CSMD2: variants seen among roughly 807,000 people sequenced by gnomAD.
CSMD2 encodes CUB and sushi domain-containing protein 2.
Under a neutral mutation model 398.5 loss-of-function variants are expected in CSMD2, and 130 were observed. That is an observed-to-expected ratio of 0.33 (90% CI 0.28 to 0.38). The LOEUF is 0.38. Ranked by LOEUF, CSMD2 falls within the 10% of genes least tolerant of loss-of-function variation. The pLI, the probability that CSMD2 is intolerant of heterozygous loss-of-function variation, is 1.00. For missense variants in CSMD2, 3,829 were observed against 4,764.9 expected, an observed-to-expected ratio of 0.80 and a Z score of 5.78; for synonymous variants, 1,828 against 1,908.5, an observed-to-expected ratio of 0.96 and a Z score of 1.10.
Position 34,156,907 on chromosome 1 carries a change from G to C in CSMD2, c.187+8004C>G, listed in dbSNP as rs1640862396. 2.0e-5 allele frequency among the ~76,000 whole-genome samples: 3 copies of C among 152,110 alleles called. No homozygotes were observed. The South Asian group carries it at 6.2e-4, about 32-fold the overall frequency. On this transcript the variant is annotated intron_variant, in intron 1 of 70. Transcript: ENST00000373381. ...AGGTGGAAAGTAAGAGAGTCTCTAG[G>C]AGAGAGACTCGCCCAGCAGAGGGGG...
chr1:33,721,770 G>A (rs1406545223), intron 19 of CSMD2, among the ~76,000 whole-genome samples: 1 of 152,202 alleles, frequency 6.6e-6, no homozygotes, highest in Admixed American at 6.5e-5. Context: ...AGTACATGTG[G>A]TGGGACTATA....
At chr1:33,904,348 T>A (rs1160140799) in intron 5 of CSMD2, among the ~76,000 whole-genome samples, 1 of 151,950 alleles carries the variant, frequency 6.6e-6, no homozygotes, top group Non-Finnish European at 1.5e-5. Flanking sequence ...GGATGAGAAG[T>A]CCAAACTGGA....
intron 9 of CSMD2, among the ~76,000 whole-genome samples, chr1:33,813,743 CAT>C (rs935787913): frequency 1.3e-5 from 2 of 152,152 alleles, no homozygotes; most frequent in Admixed American, 6.5e-5. Context: ...CCTCTGGTCT[CAT>C]ATCTTCTCTC....
intron 6 of CSMD2, among the ~76,000 whole-genome samples, chr1:33,843,966 C>T (rs1263689267): frequency 6.6e-6 from 1 of 152,168 alleles, no homozygotes; most frequent in Non-Finnish European, 1.5e-5. Context: ...TGTAGGCCAC[C>T]TGCTGCTTAG....
chr1:33,735,080 C>A (rs1018524190), intron 15 of CSMD2, among the ~76,000 whole-genome samples: 1 of 152,170 alleles, frequency 6.6e-6, no homozygotes, highest in Non-Finnish European at 1.5e-5. Flanking sequence ...AAGTAGAAAT[C>A]CTGCTTTTCG....
At position 33,577,437 on chromosome 1, in the gene CSMD2, C is replaced by T. The variant is rs1288562584; in HGVS notation, c.7435G>A (p.Gly2479Ser). 6.2e-7 allele frequency: 1 copy of T among 1,613,956 alleles called. No homozygotes were observed. Among genetic ancestry groups the T allele is most frequent in the Admixed American group, 1.7e-5 (1 of 60,008 alleles). Residue 2479 changes from glycine to serine, a missense_variant, in exon 49 of 71, where the codon GGC becomes AGC. Around this residue, in one of 5 missense-constraint regions of CSMD2, gnomAD observed 723 missense variants for 758.6 expected, o/e 0.95. Transcript: ENST00000373381. The stretch of plus-strand genomic sequence containing the variant: ...CCCCCGGGCTGGGTGCTGGTCTGGC[C>T]TAGGATGAAGCCATGGAGTGGAGCC... ...PRAPLHGFIL[G>S]QTSTQPGGSI...
At chr1:33,959,516 T>C (rs1294453637) in intron 3 of CSMD2, among the ~76,000 whole-genome samples, 1 of 152,136 alleles carries the variant, frequency 6.6e-6, no homozygotes, top group Non-Finnish European at 1.5e-5. Context: ...TTAGTCCCAG[T>C]TTGCCCGGGA....
chr1:34,139,356 CAG>C (rs1348865591), intron 1 of CSMD2, among the ~76,000 whole-genome samples: 6 of 152,174 alleles, frequency 3.9e-5, no homozygotes, highest in Non-Finnish European at 7.4e-5. Flanking sequence ...TGGGACTCTG[CAG>C]AGAGTCCCCA....
At chr1:33,821,357 G>A (rs774841335) in intron 7 of CSMD2, among the ~76,000 whole-genome samples, 1 of 152,200 alleles carries the variant, frequency 6.6e-6, no homozygotes, top group South Asian at 2.1e-4. Context: ...TTTGGCCCCT[G>A]CCTGTTCCTT....
At chr1:33,813,704 AAAG>A (rs1475271849) in intron 9 of CSMD2, among the ~76,000 whole-genome samples, 1 of 152,092 alleles carries the variant, frequency 6.6e-6, no homozygotes. Flanking sequence ...ACTTGGTGCC[AAAG>A]AAGAGAACTG....
In CSMD2 at chr1:33,559,711, G is replaced by C. The variant is rs1658370160; in HGVS notation, c.8381-238C>G. Among the ~76,000 whole-genome samples the C allele has an allele frequency of 6.6e-6, 1 of 152,084 alleles. No individual in the cohort carries two copies. Among genetic ancestry groups the C allele is most frequent in the Non-Finnish European group, 1.5e-5 (1 of 68,012 alleles). ...ATCAATCATTCTATGACTTCCCATA[G>C]GGTGTTAGGACTGGACTGTGGTTCT... On this transcript the variant is annotated intron_variant, in intron 53 of 70. Transcript: ENST00000373381. The surrounding 1 kb of genome is among the most constrained non-coding windows in gnomAD (Gnocchi z 4.0).
chr1:34,100,504 T>C (rs1248071610), intron 1 of CSMD2, among the ~76,000 whole-genome samples: 1 of 152,238 alleles, frequency 6.6e-6, no homozygotes, highest in African/African-American at 2.4e-5. Flanking sequence ...TTTATATGAA[T>C]GTGTAATATT....
chr1:33,564,113 G>A (rs1218378813), intron 53 of CSMD2, among the ~76,000 whole-genome samples: 2 of 151,464 alleles, frequency 1.3e-5, no homozygotes, highest in Admixed American at 1.3e-4. Flanking sequence ...AGCAGCAGCA[G>A]CAGCAGCAAC....
In CSMD2 at chr1:33,580,826, T is replaced by A; in HGVS notation, c.7314A>T (p.Ser2438=). The change falls in exon 48 of 71, where the codon TCA becomes TCT. Residue 2438 remains serine (S), a synonymous_variant. Transcript: ENST00000373381. ...NYSAPLIVTS[S]SNSVYLRWSS... is the part of the protein sequence containing the mutation. The stretch of plus-strand genomic sequence containing the variant: ...ACCAACGCAGGTACACAGAGTTGCT[T>A]GAGCTGGTGACAATCAGGGGAGCTG... 6.2e-7 allele frequency: 1 copy of A among 1,614,160 alleles called. No individual in the cohort carries two copies. The highest frequency in any genetic ancestry group is 8.5e-7 in the Non-Finnish European group (1 of 1,180,030).
intron 5 of CSMD2, among the ~76,000 whole-genome samples, chr1:33,851,245 A>G (rs1363529367): frequency 2.6e-5 from 4 of 152,194 alleles, no homozygotes; most frequent in Admixed American, 2.6e-4. Context: ...CCTGTAATGT[A>G]CACGATTCAG....
chr1:33,834,965 C>G lies in CSMD2; in HGVS notation c.1034-9191G>C, dbSNP rs1409677417. ...AACCACAATGAGATACCATCTCACA[C>G]CAGTTAGAATGGCGATCATTAAAAA... On this transcript the variant is annotated intron_variant, in intron 6 of 70. Transcript: ENST00000373381. Among the ~76,000 whole-genome samples the G allele has an allele frequency of 1.0e-4, 5 of 49,548 alleles. 2 individuals carry two copies. Among genetic ancestry groups the G allele is most frequent in the Non-Finnish European group, 9.1e-5 (3 of 32,908 alleles). 32.5% of individuals were successfully genotyped at this position (49,548 alleles called of 152,430 possible).
At chr1:34,038,697 C>G (rs1458892157) in intron 2 of CSMD2, among the ~76,000 whole-genome samples, 1 of 152,152 alleles carries the variant, frequency 6.6e-6, no homozygotes, top group African/African-American at 2.4e-5. Flanking sequence ...CTCCAGCCCC[C>G]CAGTCTTCTT....
At chr1:33,944,722 C>T (rs886515143) in intron 3 of CSMD2, among the ~76,000 whole-genome samples, 4 of 152,138 alleles carry the variant, frequency 2.6e-5, no homozygotes, top group African/African-American at 9.7e-5. Context: ...GGTACTACAA[C>T]TGTCTCCTTT....
At chr1:33,893,820 T>C (rs1642206460) in intron 5 of CSMD2, among the ~76,000 whole-genome samples, 1 of 152,184 alleles carries the variant, frequency 6.6e-6, no homozygotes, top group Non-Finnish European at 1.5e-5. Flanking sequence ...CAAAGTAAGT[T>C]TCATAGCCCT....
Sources: gnomAD v4.1 joint callset for allele counts (sites outside exome capture counted in the v4.1 genomes callset) on GRCh38, gnomAD v4.1.1 for gene constraint, gnomAD v4.1.1 regional missense constraint, Gnocchi (gnomAD v3.1) non-coding constraint, MANE v1.5 for transcripts, NCBI Gene and HGNC (gene_info 2026-07-23, HGNC 2026-07-21) for gene names.